Variants in ENTPD5 observed in about 807,000 individuals in gnomAD.
ENTPD5 encodes the protein nucleoside diphosphate phosphatase ENTPD5.
A neutral mutation model predicts 60.2 loss-of-function variants in ENTPD5; 49 were observed. The observed-to-expected ratio is 0.81, with a 90% CI of 0.65 to 1.03. ENTPD5 has a LOEUF of 1.03. Among genes scored for constraint, ENTPD5 ranks in the 50% least tolerant of loss-of-function variants. The pLI is 0.00. For missense variants in ENTPD5, 480 were observed against 507.6 expected, an observed-to-expected ratio of 0.95 and a Z score of 0.52; for synonymous variants, 187 against 185.4, an observed-to-expected ratio of 1.01 and a Z score of -0.07.
At position 73,974,973 on chromosome 14, in the gene ENTPD5, A is replaced by G; in HGVS notation, c.735T>C (p.Phe245=). 1.2e-6 allele frequency: 2 copies of G among 1,613,330 alleles called. No individual in the cohort carries two copies. The highest frequency in any genetic ancestry group is 1.7e-5 in the Admixed American group (1 of 59,958). Residue 245 remains phenylalanine (F), a synonymous_variant, in exon 11 of 16, where the codon TTT becomes TTC. Transcript: ENST00000334696. ...YKLYTHSYLG[F]GLKAARLATL... is the part of the protein sequence containing the mutation. ...TTGCTAGTCTTGCAGCTTTCAATCCAAATCCCAGGTAACTGTAAAATACAG... is the reference window on the plus strand; with the variant it reads ...TTGCTAGTCTTGCAGCTTTCAATCCGAATCCCAGGTAACTGTAAAATACAG...
In ENTPD5 at chr14:73,983,062, G is replaced by A. The variant is rs60160078; in HGVS notation, c.397C>T (p.Leu133=). ...TPVVLKATAG[L]RLLPEHKAKA... is the part of the protein sequence containing the mutation. ...GCTTTGTGTTCTGGCAGTAAGCGTA[G>A]TCCTGCTGTTGCCTTTAGGACCACT... Residue 133 remains leucine, a synonymous_variant, in exon 6 of 16, where the codon CTA becomes TTA. Transcript: ENST00000334696. 1.2e-6 allele frequency: 2 copies of A among 1,614,162 alleles called. No homozygotes were observed. Among genetic ancestry groups the A allele is most frequent in the Non-Finnish European group, 1.7e-6 (2 of 1,179,992 alleles).
At chr14:73,995,070 A>G (rs959780203) in intron 3 of ENTPD5, among the ~76,000 whole-genome samples, 46 of 146,218 alleles carry the variant, frequency 3.1e-4, no homozygotes, top group Non-Finnish European at 5.2e-4. Flanking sequence ...TTTTTTAAAT[A>G]CAGAGTCTTG....
intron 15 of ENTPD5, among the ~76,000 whole-genome samples, chr14:73,967,811 A>G (rs2057047412): frequency 6.7e-6 from 1 of 149,710 alleles, no homozygotes; most frequent in South Asian, 2.1e-4. Context: ...AAAAAAAAAA[A>G]AAAAAAGAAA....
chr14:73,961,556 A>G (rs758316108), downstream of ENTPD5: 10 of 1,614,042 alleles, frequency 6.2e-6, no homozygotes, highest in East Asian at 4.5e-5. Flanking sequence ...GCAGCCTTCA[A>G]TGGGAAGGAC....
chr14:73,978,669 A>G (rs919200886), intron 6 of ENTPD5, among the ~76,000 whole-genome samples: 2 of 151,914 alleles, frequency 1.3e-5, no homozygotes, highest in African/African-American at 2.4e-5. Context: ...TCTTATAGAA[A>G]AAGCCAAAGT....
intron 3 of ENTPD5, among the ~76,000 whole-genome samples, chr14:74,000,644 G>C (rs1400122840): frequency 6.6e-6 from 1 of 151,106 alleles, no homozygotes; most frequent in East Asian, 2.0e-4. Context: ...GTCCAGGCGT[G>C]GTGGTGTGCC....
chr14:74,007,296 C>A (rs558202513), intron 3 of ENTPD5, among the ~76,000 whole-genome samples: 3 of 152,058 alleles, frequency 2.0e-5, no homozygotes, highest in Non-Finnish European at 4.4e-5. Context: ...TCAAGGAGGG[C>A]GGATCACGAG....
chr14:73,960,950 A>G (rs2056692869), downstream of ENTPD5: 1 of 632,434 alleles, frequency 1.6e-6, no homozygotes, highest in Admixed American at 2.4e-5. Flanking sequence ...GCTCAGAAGT[A>G]GGCAGGGGCC....
chr14:73,986,154 C>A (rs937447424), intron 5 of ENTPD5: 5 of 151,068 alleles, frequency 3.3e-5, no homozygotes, highest in Admixed American at 1.3e-4. Context: ...TCATTTTTAA[C>A]ATCAAGCATT....
intron 3 of ENTPD5, among the ~76,000 whole-genome samples, chr14:73,997,729 T>C (rs933384133): frequency 6.6e-6 from 1 of 152,162 alleles, no homozygotes; most frequent in Non-Finnish European, 1.5e-5. Context: ...GCCACAGCCC[T>C]GACACACCTT....
chr14:73,960,170 C>A (rs2056647499), downstream of ENTPD5: 1 of 987,830 alleles, frequency 1.0e-6, no homozygotes, highest in Non-Finnish European at 1.2e-6. Flanking sequence ...GAAAGTATTC[C>A]TAGGGAAAGG....
At chr14:73,983,989 C>G (rs1289507974) in intron 5 of ENTPD5, among the ~76,000 whole-genome samples, 1 of 151,860 alleles carries the variant, frequency 6.6e-6, no homozygotes, top group East Asian at 1.9e-4. Context: ...CCGTGCCTGG[C>G]CAAATTATTC....
In ENTPD5 at chr14:73,963,255, C is replaced by T. The variant is rs1211872546; in HGVS notation, c.*3673G>A. On this transcript the variant is annotated 3_prime_UTR_variant, in exon 16 of 16. Coordinates refer to ENST00000334696, the MANE Select transcript of ENTPD5 (RefSeq NM_001249.5). Reference sequence around the variant, plus strand: ...TTTGGTTGAAAAGAGCTTTTTATTACTAAAAAACCCACAAGGTGCTGTCTC... The same window carrying T: ...TTTGGTTGAAAAGAGCTTTTTATTATTAAAAAACCCACAAGGTGCTGTCTC... 1 of 563,188 alleles carries T rather than the reference C, an allele frequency of 1.8e-6. No individual in the cohort carries two copies. Among genetic ancestry groups the T allele is most frequent in the Non-Finnish European group, 3.1e-6 (1 of 319,504 alleles). 34.9% of individuals were successfully genotyped at this position (563,188 alleles called of 1,614,324 possible). A position where few individuals can be genotyped will look rare whatever the true frequency, so the allele number is the denominator to read the frequency against.
downstream of ENTPD5, chr14:73,961,273 T>G: frequency 6.2e-7 from 1 of 1,614,188 alleles, no homozygotes; most frequent in African/African-American, 1.3e-5. Context: ...GCTCGCCAGC[T>G]GCCCCCAAGC....
chr14:73,980,771 A>G (rs972714866), intron 6 of ENTPD5, among the ~76,000 whole-genome samples: 10 of 152,240 alleles, frequency 6.6e-5, no homozygotes, highest in Non-Finnish European at 1.5e-4. Context: ...TTACATGTTT[A>G]TTGCATAACA....
chr14:73,981,266 CG>C (rs2057677203), intron 6 of ENTPD5, among the ~76,000 whole-genome samples: 1 of 151,412 alleles, frequency 6.6e-6, no homozygotes, highest in Admixed American at 6.6e-5. Flanking sequence ...TTTGGGAAGC[CG>C]GGGTGGGTGG....
At chr14:73,991,315 C>G (rs1017559640) in intron 3 of ENTPD5, among the ~76,000 whole-genome samples, 1 of 152,064 alleles carries the variant, frequency 6.6e-6, no homozygotes, top group African/African-American at 2.4e-5. Flanking sequence ...GGGCCAGGAG[C>G]AGTGCCTCAC....
rs934114382 is a variant in ENTPD5, at chr14:73,981,221, C to A, written c.441+1797G>T. On this transcript the variant is annotated intron_variant, in intron 6 of 15. Coordinates refer to ENST00000334696, the MANE Select transcript of ENTPD5 (RefSeq NM_001249.5). ...GGGAGTTGAAATATATGACTTAGGG[C>A]CGGGTGCAGTGGCTCACGTCTGTAA... Among the ~76,000 whole-genome samples the A allele has an allele frequency of 1.1e-4, 17 of 152,072 alleles. 1 individual carries two copies. In the South Asian group the frequency reaches 3.5e-3, roughly 32 times the overall value.
chr14:73,962,878 T>A, downstream of ENTPD5: 1 of 1,091,042 alleles, frequency 9.2e-7, no homozygotes, highest in Non-Finnish European at 1.4e-6. Context: ...CAAGGACACT[T>A]GGGAAGAATA....
Sources: allele counts gnomAD v4.1 joint callset (sites outside exome capture counted in the v4.1 genomes callset), GRCh38; gene constraint gnomAD v4.1.1; transcripts MANE v1.5; gene names NCBI Gene and HGNC (gene_info 2026-07-23, HGNC 2026-07-21).